TRPM3: variants seen among roughly 807,000 people sequenced by gnomAD.
TRPM3 encodes long transient receptor potential channel 3.
Under a neutral mutation model 181.2 loss-of-function variants are expected in TRPM3, and 77 were observed. The ratio of observed to expected loss-of-function variants is 0.42; its 90% CI spans 0.35 to 0.51. The LOEUF is 0.51. Ranked by LOEUF, TRPM3 falls within the 20% of genes least tolerant of loss-of-function variation. The pLI is 0.01. For missense variants in TRPM3, 1,759 were observed against 2,196.7 expected (o/e 0.80, Z 3.98); for synonymous variants, 745 against 796.4 (o/e 0.94, Z 1.09).
intron 1 of TRPM3, among the ~76,000 whole-genome samples, chr9:71,096,426 A>G (rs1020499653): frequency 6.6e-6 from 1 of 151,426 alleles, no homozygotes; most frequent in African/African-American, 2.4e-5. Flanking sequence ...GAGACAAAAC[A>G]AAGACCACAT....
chr9:71,231,032 A>G lies in TRPM3; in HGVS notation c.183+215621T>C, dbSNP rs925977915. Among the ~76,000 whole-genome samples, 12 of 152,340 alleles carry G rather than the reference A, an allele frequency of 7.9e-5. 2 individuals are homozygous for G. In the Middle Eastern group the frequency reaches 0.017, roughly 216 times the overall value. On this transcript the variant is annotated intron_variant, in intron 1 of 24. Coordinates refer to the TRPM3 transcript ENST00000357533. Reference sequence around the variant, plus strand: ...TCCTAGCTAAATAAAGGAATAAAGTAATGTTCTTCCATGGAATATATCAAG... The same window carrying G: ...TCCTAGCTAAATAAAGGAATAAAGTGATGTTCTTCCATGGAATATATCAAG...
intron 22 of TRPM3, among the ~76,000 whole-genome samples, chr9:70,586,775 T>C (rs528821419): frequency 2.6e-5 from 4 of 152,192 alleles, no homozygotes; most frequent in Non-Finnish European, 4.4e-5. Flanking sequence ...TGCATAACAA[T>C]AGTCATCTTC....
intron 1 of TRPM3, among the ~76,000 whole-genome samples, chr9:71,339,155 C>T (rs577556843): frequency 6.6e-6 from 1 of 151,868 alleles, no homozygotes; most frequent in Non-Finnish European, 1.5e-5. Context: ...CCTTTATGAA[C>T]AAAATTATAA....
chr9:70,859,812 G>A (rs1203387028), intron 3 of TRPM3, among the ~76,000 whole-genome samples: 1 of 152,174 alleles, frequency 6.6e-6, no homozygotes, highest in African/African-American at 2.4e-5. Flanking sequence ...TTGTTGAGGT[G>A]TAACAGTGTC....
At chr9:71,049,154 C>T (rs2059788655) in intron 1 of TRPM3, among the ~76,000 whole-genome samples, 2 of 152,108 alleles carry the variant, frequency 1.3e-5, no homozygotes, top group African/African-American at 4.8e-5. Flanking sequence ...ACAGTCATTG[C>T]TCGAGAGTCA....
intron 6 of TRPM3, among the ~76,000 whole-genome samples, chr9:70,809,350 C>G (rs1486810588): frequency 2.0e-5 from 3 of 152,238 alleles, no homozygotes; most frequent in Admixed American, 6.5e-5. Context: ...CAGTAGTATA[C>G]AAAAATATTC....
intron 1 of TRPM3, among the ~76,000 whole-genome samples, chr9:70,986,283 G>A (rs2097420636): frequency 6.6e-6 from 1 of 152,134 alleles, no homozygotes; most frequent in Non-Finnish European, 1.5e-5. Context: ...AAGATCACTT[G>A]AATCCAGAAG....
At chr9:71,172,580 A>G (rs1399135879) in intron 1 of TRPM3, among the ~76,000 whole-genome samples, 3 of 151,858 alleles carry the variant, frequency 2.0e-5, no homozygotes, top group Non-Finnish European at 4.4e-5. Flanking sequence ...CTAACTTTTT[A>G]TTTTTTGTAG....
intron 1 of TRPM3, among the ~76,000 whole-genome samples, chr9:70,914,436 T>G (rs1221402967): frequency 6.6e-6 from 1 of 152,228 alleles, no homozygotes; most frequent in Non-Finnish European, 1.5e-5. Flanking sequence ...CACCATGATA[T>G]GTATTTCTTA....
chr9:70,642,439 C>T (rs562914360), intron 9 of TRPM3, among the ~76,000 whole-genome samples: 3 of 152,328 alleles, frequency 2.0e-5, no homozygotes, highest in Admixed American at 6.5e-5. Flanking sequence ...GGTTCGCCAG[C>T]AGTCAAGGCC....
chr9:70,959,797 T>C (rs892920131), intron 1 of TRPM3, among the ~76,000 whole-genome samples: 4 of 152,170 alleles, frequency 2.6e-5, no homozygotes, highest in Non-Finnish European at 5.9e-5. Context: ...CGTTATAATT[T>C]CTCAAAGTGA....
chr9:71,269,441 A>T (rs2083625473), intron 1 of TRPM3, among the ~76,000 whole-genome samples: 1 of 152,222 alleles, frequency 6.6e-6, no homozygotes, highest in South Asian at 2.1e-4. Flanking sequence ...CCATGGCCAG[A>T]GTCTCAACAC....
At chr9:70,921,220 A>C (rs113436645) in intron 1 of TRPM3, among the ~76,000 whole-genome samples, 2,981 of 152,264 alleles carry the variant, frequency 0.02, 50 homozygotes, top group East Asian at 0.046. Context: ...TCTCATTTTT[A>C]CTTATGTTTT....
intron 6 of TRPM3, among the ~76,000 whole-genome samples, chr9:70,812,008 A>G (rs2092135489): frequency 6.6e-6 from 1 of 152,172 alleles, no homozygotes; most frequent in South Asian, 2.1e-4. Flanking sequence ...CAATTTGGTT[A>G]TTGTTTCCCA....
rs1335454592 is a variant in TRPM3, at chr9:70,535,403, G to A, written c.*550C>T. 8.4e-6 allele frequency: 13 copies of A among 1,550,240 alleles called. No homozygotes were observed. The highest frequency in any genetic ancestry group is 2.0e-5 in the Admixed American group (1 of 50,988). ...TGTTGGCATGAGAAGGATGTGGGAC[G>A]TTAGGTAGAACTGCTTGCTGCCGGC... is the stretch of plus-strand genomic sequence containing the variant. On this transcript the variant is annotated 3_prime_UTR_variant, in exon 26 of 26. Transcript: ENST00000677713.
chr9:70,754,026 C>T (rs564561732), intron 8 of TRPM3, among the ~76,000 whole-genome samples: 3 of 152,064 alleles, frequency 2.0e-5, no homozygotes, highest in Non-Finnish European at 4.4e-5. Flanking sequence ...AGTGGTCCTC[C>T]TACACTCCAG....
At chr9:70,831,820 A>C (rs1017510054) in intron 5 of TRPM3, among the ~76,000 whole-genome samples, 1 of 151,374 alleles carries the variant, frequency 6.6e-6, no homozygotes, top group Non-Finnish European at 1.5e-5. Flanking sequence ...AACTTAATTA[A>C]ATATTTTAAA....
intron 1 of TRPM3, among the ~76,000 whole-genome samples, chr9:71,409,597 G>A (rs947725367): frequency 2.6e-5 from 4 of 152,122 alleles, no homozygotes; most frequent in African/African-American, 9.7e-5. Context: ...GGAACACCCA[G>A]ATTCATAAAG....
chr9:71,341,158 A>G (rs1386269936), intron 1 of TRPM3, among the ~76,000 whole-genome samples: 2 of 152,224 alleles, frequency 1.3e-5, no homozygotes, highest in Non-Finnish European at 2.9e-5. Context: ...AGGAAGAAAG[A>G]GGAAAGTAAA....
Sources: gnomAD v4.1 joint callset for allele counts (sites outside exome capture counted in the v4.1 genomes callset) on GRCh38, gnomAD v4.1.1 for gene constraint, MANE v1.5 for transcripts, NCBI Gene and HGNC (gene_info 2026-07-23, HGNC 2026-07-21) for gene names.